AGBL4: variants seen among roughly 807,000 people sequenced by gnomAD.
AGBL4 encodes cytosolic carboxypeptidase 6.
In AGBL4, 58 loss-of-function variants were observed where a neutral mutation model predicts 66.4. That is an observed-to-expected ratio of 0.87 (90% CI 0.71 to 1.09). The LOEUF is 1.09. Among genes scored for constraint, AGBL4 ranks in the 50% least tolerant of loss-of-function variants. The pLI is 0.00. For synonymous variants in AGBL4, 234 were observed against 222.9 expected, an observed-to-expected ratio of 1.05 and a Z score of -0.44; for missense variants, 579 against 631.0, an observed-to-expected ratio of 0.92 and a Z score of 0.88.
At chr1:49,817,263 T>C (rs1022748224) in intron 2 of AGBL4, among the ~76,000 whole-genome samples, 3 of 152,164 alleles carry the variant, frequency 2.0e-5, no homozygotes, top group African/African-American at 7.2e-5. Flanking sequence ...AAAAAGAAAG[T>C]TGGCCTGAAG....
chr1:48,784,329 T>C (rs1266857451), intron 6 of AGBL4, among the ~76,000 whole-genome samples: 1 of 152,168 alleles, frequency 6.6e-6, no homozygotes, highest in African/African-American at 2.4e-5. Context: ...AATATATTTT[T>C]ACTGAATCAA....
At chr1:49,824,610 G>C (rs1018017790) in intron 2 of AGBL4, among the ~76,000 whole-genome samples, 1 of 152,204 alleles carries the variant, frequency 6.6e-6, no homozygotes, top group Non-Finnish European at 1.5e-5. Flanking sequence ...AAGGCTTCCT[G>C]GTTAGACAAC....
intron 3 of AGBL4, among the ~76,000 whole-genome samples, chr1:49,673,623 A>T (rs989384244): frequency 3.3e-5 from 5 of 152,162 alleles, no homozygotes; most frequent in Non-Finnish European, 7.3e-5. Flanking sequence ...TAAAAAAGAA[A>T]ATTCCCCAAG....
chr1:49,099,970 T>A (rs1163653110), intron 4 of AGBL4, among the ~76,000 whole-genome samples: 1 of 152,064 alleles, frequency 6.6e-6, no homozygotes, highest in Non-Finnish European at 1.5e-5. Flanking sequence ...TTCTAGGGTG[T>A]GGGCAGGAAC....
At chr1:48,821,317 A>G (rs1242392741) in intron 6 of AGBL4, among the ~76,000 whole-genome samples, 1 of 152,216 alleles carries the variant, frequency 6.6e-6, no homozygotes, top group East Asian at 1.9e-4. Flanking sequence ...AGCACAATTC[A>G]CAATTGCAAA....
intron 1 of AGBL4, among the ~76,000 whole-genome samples, chr1:49,888,396 A>G (rs956726635): frequency 2.0e-5 from 3 of 152,174 alleles, no homozygotes; most frequent in Admixed American, 6.5e-5. Flanking sequence ...TAAGAAATAC[A>G]CTAACTACAG....
chr1:48,587,924 C>A (rs1017803280), intron 10 of AGBL4, among the ~76,000 whole-genome samples: 1 of 151,916 alleles, frequency 6.6e-6, no homozygotes, highest in Non-Finnish European at 1.5e-5. Flanking sequence ...TGTCTCTATT[C>A]TTTAAAAAGA....
intron 5 of AGBL4, among the ~76,000 whole-genome samples, chr1:48,886,514 C>T (rs1650360759): frequency 6.6e-6 from 1 of 152,124 alleles, no homozygotes; most frequent in South Asian, 2.1e-4. Context: ...CCGGGAGCAT[C>T]ATTGGGCAGC....
At chr1:48,880,076 T>C (rs1174663416) in intron 5 of AGBL4, among the ~76,000 whole-genome samples, 2 of 152,176 alleles carry the variant, frequency 1.3e-5, no homozygotes, top group African/African-American at 4.8e-5. Context: ...CTGAGCAGTA[T>C]ACACTGAACT....
chr1:49,612,088 T>A (rs148586330), intron 3 of AGBL4, among the ~76,000 whole-genome samples: 38 of 152,338 alleles, frequency 2.5e-4, no homozygotes, highest in East Asian at 1.2e-3. Context: ...ACTTCAATCA[T>A]CCCAACTCCT....
At chr1:48,864,628 A>G (rs1448886969) in intron 6 of AGBL4, among the ~76,000 whole-genome samples, 2 of 152,224 alleles carry the variant, frequency 1.3e-5, no homozygotes, top group Non-Finnish European at 2.9e-5. Context: ...GTGAATCTCT[A>G]CAATATAATC....
At chr1:49,524,198 AT>A (rs750187401) in intron 3 of AGBL4, among the ~76,000 whole-genome samples, 5 of 152,092 alleles carry the variant, frequency 3.3e-5, no homozygotes, top group Non-Finnish European at 7.4e-5. Context: ...CCTTACTACT[AT>A]GAATAATAAT....
chr1:50,011,176 A>G (rs530880774), intron 1 of AGBL4, among the ~76,000 whole-genome samples: 1 of 152,330 alleles, frequency 6.6e-6, no homozygotes, highest in African/African-American at 2.4e-5. Flanking sequence ...AAGGAGCTCA[A>G]ACAACTCTAT....
At chr1:48,826,738 C>G (rs1450321435) in intron 6 of AGBL4, among the ~76,000 whole-genome samples, 3 of 152,186 alleles carry the variant, frequency 2.0e-5, no homozygotes, top group African/African-American at 7.2e-5. Context: ...TGATTCCATG[C>G]CAGCATATTG....
At chr1:48,684,172 G>A (rs1189124828) in intron 6 of AGBL4, among the ~76,000 whole-genome samples, 2 of 152,224 alleles carry the variant, frequency 1.3e-5, no homozygotes. Context: ...ACTCATGGGT[G>A]TGTCTATTCT....
intron 5 of AGBL4, among the ~76,000 whole-genome samples, chr1:48,888,226 C>A (rs181320664): frequency 6.2e-4 from 94 of 152,316 alleles, no homozygotes; most frequent in Non-Finnish European, 1.1e-3. Context: ...AAGCATCATA[C>A]AAACCCATAT....
intron 9 of AGBL4, among the ~76,000 whole-genome samples, chr1:48,612,117 G>A (rs1265659119): frequency 6.6e-6 from 1 of 152,240 alleles, no homozygotes; most frequent in Non-Finnish European, 1.5e-5. Context: ...GGGGCCTGCT[G>A]CCAGAGTGTG....
At chr1:49,536,899 C>T (rs765622623) in intron 3 of AGBL4, among the ~76,000 whole-genome samples, 1 of 151,642 alleles carries the variant, frequency 6.6e-6, no homozygotes, top group East Asian at 1.9e-4. Flanking sequence ...TGCCAGCCAT[C>T]GGGAGGCTGA....
At chr1:48,609,792 G>A (rs545341831) in intron 9 of AGBL4, among the ~76,000 whole-genome samples, 32 of 152,164 alleles carry the variant, frequency 2.1e-4, no homozygotes, top group Admixed American at 5.9e-4. Flanking sequence ...CACTGCATGC[G>A]GATGTCTGGC....
Sources: allele counts gnomAD v4.1 joint callset (sites outside exome capture counted in the v4.1 genomes callset), GRCh38; gene constraint gnomAD v4.1.1; transcripts MANE v1.5; gene names NCBI Gene and HGNC (gene_info 2026-07-23, HGNC 2026-07-21).